KIAA1671: variants seen among roughly 807,000 people sequenced by gnomAD.
KIAA1671 encodes uncharacterized protein KIAA1671.
In KIAA1671, 52 loss-of-function variants were observed where a neutral mutation model predicts 131.2. The observed-to-expected ratio is 0.40, with a 90% CI of 0.32 to 0.50. The LOEUF (loss-of-function observed/expected upper bound fraction) is 0.50. Among genes scored for constraint, KIAA1671 ranks in the 20% least tolerant of loss-of-function variants. The pLI is 0.73. For missense variants in KIAA1671, 2,360 were observed against 2,364.2 expected (o/e 1.00, Z 0.04); for synonymous variants, 1,003 against 961.6 (o/e 1.04, Z -0.80).
At chr22:25,109,282 G>A (rs996904309) in intron 6 of KIAA1671, among the ~76,000 whole-genome samples, 4 of 151,850 alleles carry the variant, frequency 2.6e-5, no homozygotes, top group African/African-American at 4.8e-5. Context: ...GCTAATTTTT[G>A]TAGTTTTAGT....
chr22:24,967,104 G>T (rs1320439358), intron 1 of KIAA1671, among the ~76,000 whole-genome samples: 1 of 152,150 alleles, frequency 6.6e-6, no homozygotes, highest in Non-Finnish European at 1.5e-5. Context: ...TGGATAGGTA[G>T]ATTCTAGAGC....
chr22:24,996,328 G>T (rs987716832), intron 1 of KIAA1671, among the ~76,000 whole-genome samples: 1 of 152,058 alleles, frequency 6.6e-6, no homozygotes, highest in African/African-American at 2.4e-5. Context: ...AAAGGGCATC[G>T]GGAACCAGCG....
chr22:25,153,408 A>G (rs1933114999), intron 6 of KIAA1671, among the ~76,000 whole-genome samples: 1 of 152,086 alleles, frequency 6.6e-6, no homozygotes, highest in Non-Finnish European at 1.5e-5. Flanking sequence ...GGGATCCCAC[A>G]TTGCACAGGA....
chr22:25,019,847 T>C (rs764831456), intron 1 of KIAA1671, among the ~76,000 whole-genome samples: 1,554 of 152,268 alleles, frequency 0.01, 28 homozygotes, highest in African/African-American at 0.035. Flanking sequence ...ACTTGTGATG[T>C]GATGGGATTT....
chr22:25,020,298 G>T (rs1925592308), intron 1 of KIAA1671, among the ~76,000 whole-genome samples: 1 of 152,170 alleles, frequency 6.6e-6, no homozygotes, highest in Non-Finnish European at 1.5e-5. Context: ...GAAGGCACAA[G>T]ATGCACAGTC....
At chr22:25,088,822 A>G (rs996983600) in intron 6 of KIAA1671, among the ~76,000 whole-genome samples, 2 of 152,146 alleles carry the variant, frequency 1.3e-5, no homozygotes, top group Non-Finnish European at 2.9e-5. Context: ...CTCTGCGTAC[A>G]TAAGACAATG....
intron 1 of KIAA1671, chr22:25,012,991 C>T (rs994486076): frequency 2.0e-5 from 3 of 152,262 alleles, no homozygotes; most frequent in Non-Finnish European, 4.4e-5. Context: ...GTGCCAGGCA[C>T]TGACTAGGTT....
chr22:25,093,758 CTCTCTCTCTG>C lies in KIAA1671; in HGVS notation c.4530+44404_4530+44413del, dbSNP rs1568951115. Among the ~76,000 whole-genome samples the C allele has an allele frequency of 1.0e-3, 111 of 109,198 alleles. 5 individuals are homozygous for C. Among genetic ancestry groups the C allele is most frequent in the African/African-American group, 1.3e-3 (35 of 26,286 alleles). The allele number at this position is 109,198 out of a possible 152,430, so 71.6% of individuals were successfully genotyped here. ...ACACACTCTCTCTCTCTCTCTCTCT[CTCTCTCTCTG>C]TCTCTCTCTCTCTCTCTCTCTCTCT... On this transcript the variant is annotated intron_variant, in intron 6 of 12. Coordinates refer to ENST00000358431, the MANE Select transcript of KIAA1671 (RefSeq NM_001145206.2).
chr22:25,091,623 C>T (rs531384853), intron 6 of KIAA1671, among the ~76,000 whole-genome samples: 5 of 152,250 alleles, frequency 3.3e-5, no homozygotes, highest in African/African-American at 7.2e-5. Flanking sequence ...TAAAGCGAGG[C>T]GGAACTGCGC....
At chr22:25,178,110 T>C (rs1216743097) in intron 9 of KIAA1671, among the ~76,000 whole-genome samples, 1 of 152,140 alleles carries the variant, frequency 6.6e-6, no homozygotes, top group East Asian at 1.9e-4. Context: ...AGCTTTGGGA[T>C]GGGGCTTCTG....
At chr22:25,070,450 G>T in intron 6 of KIAA1671, 1 of 438,950 alleles carries the variant, frequency 2.3e-6, no homozygotes, top group Non-Finnish European at 4.2e-6. Flanking sequence ...GCTCCAGGAC[G>T]GGGTCACGTC....
chr22:24,974,070 C>T (rs919522787), intron 1 of KIAA1671, among the ~76,000 whole-genome samples: 1 of 152,078 alleles, frequency 6.6e-6, no homozygotes, highest in African/African-American at 2.4e-5. Context: ...ACCTGGCAGG[C>T]CCTCAGCAAA....
At chr22:25,051,973 A>T (rs1927555621) in intron 6 of KIAA1671, 1 of 152,288 alleles carries the variant, frequency 6.6e-6, no homozygotes, top group African/African-American at 2.4e-5. Flanking sequence ...GCAGAGCAGG[A>T]AAGTGAGGCT....
chr22:25,150,684 G>A lies in KIAA1671; in HGVS notation c.4531-20136G>A, dbSNP rs536313438. On this transcript the variant is annotated intron_variant, in intron 6 of 12. Coordinates refer to ENST00000358431, the MANE Select transcript of KIAA1671 (RefSeq NM_001145206.2). ...AGCTGGATGCCAGGCAGAGTGAGCC[G>A]GTCTGTAACCAACACAATGCCAGCT... 9.7e-4 allele frequency among the ~76,000 whole-genome samples: 148 copies of A among 152,238 alleles called. 1 individual carries two copies. The highest frequency in any genetic ancestry group is 3.5e-3 in the African/African-American group (146 of 41,526).
At chr22:24,968,895 G>A (rs1337583836) in intron 1 of KIAA1671, among the ~76,000 whole-genome samples, 2 of 151,826 alleles carry the variant, frequency 1.3e-5, no homozygotes, top group East Asian at 3.9e-4. Context: ...GTTTTGTTTT[G>A]TGTTGTGTTG....
At chr22:25,032,740 A>ATAACTGCCCGCTG in intron 4 of KIAA1671, 44 bp downstream of exon 4, 2 of 1,278,406 alleles carry the variant, frequency 1.6e-6, no homozygotes, top group Non-Finnish European at 2.2e-6. Flanking sequence ...ACCAGCGGGC[A>ATAACTGCCCGCTG]GTTATGGCTG....
chr22:25,055,060 C>T (rs1273143816), intron 6 of KIAA1671: 6 of 149,762 alleles, frequency 4.0e-5, no homozygotes, highest in African/African-American at 1.5e-4. Context: ...GAAACTGTGG[C>T]CCTTTGCTTC....
chr22:25,056,987 C>T (rs1416468745), intron 6 of KIAA1671: 1 of 152,228 alleles, frequency 6.6e-6, no homozygotes, highest in Non-Finnish European at 1.5e-5. Context: ...TGTGCAAACA[C>T]CATCCCATTA....
chr22:25,038,349 G>A (rs1453972933), intron 4 of KIAA1671, among the ~76,000 whole-genome samples: 3 of 152,192 alleles, frequency 2.0e-5, no homozygotes, highest in Non-Finnish European at 2.9e-5. Context: ...GTAGTCCATC[G>A]TTTGGAGATA....
Sources: allele counts gnomAD v4.1 joint callset (sites outside exome capture counted in the v4.1 genomes callset), GRCh38; gene constraint gnomAD v4.1.1; transcripts MANE v1.5; gene names NCBI Gene and HGNC (gene_info 2026-07-23, HGNC 2026-07-21).